Variants in PLXNC1 observed in about 807,000 individuals in gnomAD.
The protein encoded by PLXNC1 is plexin-C1.
A neutral mutation model predicts 178.2 loss-of-function variants in PLXNC1; 75 were observed. The ratio of observed to expected loss-of-function variants is 0.42; its 90% confidence interval spans 0.35 to 0.51. PLXNC1 has a LOEUF of 0.51. Ranked by LOEUF, PLXNC1 falls within the 20% of genes least tolerant of loss-of-function variation. PLXNC1 has a pLI of 0.02. For missense variants in PLXNC1, 1,503 were observed against 1,984.4 expected, an observed-to-expected ratio of 0.76 and a Z score of 4.61; for synonymous variants, 790 against 779.9, an observed-to-expected ratio of 1.01 and a Z score of -0.22.
At chr12:94,154,243 G>A (rs1961072194) in intron 1 of PLXNC1, among the ~76,000 whole-genome samples, 2 of 152,182 alleles carry the variant, frequency 1.3e-5, no homozygotes, top group African/African-American at 4.8e-5. Context: ...GAAAATTAAG[G>A]CCCAGAGAGC....
chr12:94,263,498 G>A (rs547518866), intron 20 of PLXNC1, among the ~76,000 whole-genome samples: 1 of 152,110 alleles, frequency 6.6e-6, no homozygotes, highest in African/African-American at 2.4e-5. Context: ...AGCCCACCTG[G>A]CCCCCTGACT....
chr12:94,306,930 G>A lies in PLXNC1; in HGVS notation c.*1645G>A, dbSNP rs1217756316. 6.6e-6 allele frequency: 1 copy of A among 152,190 alleles called. No homozygotes were observed. Among genetic ancestry groups the A allele is most frequent in the African/African-American group, 2.4e-5 (1 of 41,460 alleles). 9.4% of individuals were successfully genotyped at this position (152,190 alleles called of 1,614,324 possible). On this transcript the variant is annotated 3_prime_UTR_variant, in exon 31 of 31. Transcript: ENST00000258526. The stretch of plus-strand genomic sequence containing the variant: ...ATAGATGACAGATCAGAATAAAGGT[G>A]AGAGGTCTGGTCCCCATTGAAGGCT...
At chr12:94,185,436 T>C (rs1962473804) in intron 3 of PLXNC1, among the ~76,000 whole-genome samples, 1 of 152,214 alleles carries the variant, frequency 6.6e-6, no homozygotes, top group Non-Finnish European at 1.5e-5. Flanking sequence ...CCTTACTACC[T>C]GCTGTGTGGT....
At chr12:94,218,921 C>T (rs1195269999) in intron 5 of PLXNC1, among the ~76,000 whole-genome samples, 1 of 152,144 alleles carries the variant, frequency 6.6e-6, no homozygotes, top group Non-Finnish European at 1.5e-5. Context: ...CACCTAGGAT[C>T]ATCAAGGCAC....
intron 17 of PLXNC1, among the ~76,000 whole-genome samples, chr12:94,259,080 C>T (rs1964928721): frequency 6.6e-6 from 1 of 152,148 alleles, no homozygotes; most frequent in African/African-American, 2.4e-5. Context: ...GGGATGATAC[C>T]TTCATCTACC....
At chr12:94,285,346 A>G (rs928080391) in intron 23 of PLXNC1, among the ~76,000 whole-genome samples, 2 of 152,196 alleles carry the variant, frequency 1.3e-5, no homozygotes, top group African/African-American at 2.4e-5. Context: ...ATGGCCAGGG[A>G]CAGAGAACAC....
At chr12:94,187,730 C>T (rs948120475) in intron 4 of PLXNC1, among the ~76,000 whole-genome samples, 4 of 152,142 alleles carry the variant, frequency 2.6e-5, no homozygotes, top group South Asian at 4.2e-4. Flanking sequence ...ATAATGGTGG[C>T]GATGATGGTG....
chr12:94,291,258 C>G (rs1342335314), intron 23 of PLXNC1, among the ~76,000 whole-genome samples: 1 of 152,230 alleles, frequency 6.6e-6, no homozygotes, highest in Non-Finnish European at 1.5e-5. Flanking sequence ...ATTTTTGAGA[C>G]AGGGTCTTGC....
chr12:94,293,476 T>C lies in PLXNC1; in HGVS notation c.3880-1010T>C, dbSNP rs80226875. ...GGGTGGCTTAAACATTTGTTCCTTA[T>C]AGTTCCAGAGACTGGAAGTTCACTG... On this transcript the variant is annotated intron_variant, in intron 23 of 30. Transcript: ENST00000258526. Among the ~76,000 whole-genome samples the C allele has an allele frequency of 9.2e-4, 140 of 152,338 alleles. 1 individual carries two copies. Among genetic ancestry groups the C allele is most frequent in the East Asian group, 5.0e-3 (26 of 5,184 alleles).
At chr12:94,207,517 C>G (rs906101506) in intron 4 of PLXNC1, among the ~76,000 whole-genome samples, 1 of 152,074 alleles carries the variant, frequency 6.6e-6, no homozygotes, top group Non-Finnish European at 1.5e-5. Flanking sequence ...CATATTTCAT[C>G]CTTTCATTCA....
At chr12:94,167,742 C>A (rs1961671943) in intron 1 of PLXNC1, among the ~76,000 whole-genome samples, 2 of 152,136 alleles carry the variant, frequency 1.3e-5, no homozygotes, top group South Asian at 4.1e-4. Flanking sequence ...TATCTTTCAA[C>A]AAGGGAAAAA....
chr12:94,181,686 A>G, intron 3 of PLXNC1, 106 bp downstream of exon 3: 1 of 1,000,492 alleles, frequency 1.0e-6, no homozygotes, highest in Non-Finnish European at 1.5e-6. Context: ...GAGTTTAAGC[A>G]GTGCCCCAGG....
Position 94,149,559 on chromosome 12 carries a change from C to G in PLXNC1, c.588C>G (p.Pro196=). Residue 196 remains proline, a synonymous_variant, in exon 1 of 31, where the codon CCC becomes CCG. Transcript: ENST00000258526. The part of the protein sequence containing the change: ...PEPETASRCN[P]AASDHDTAIA... The stretch of plus-strand genomic sequence containing the variant: ...CGGAGACGGCGAGCCGCTGCAACCC[C>G]GCGGCATCCGACCACGACACGGCCA... The G allele has an allele frequency of 6.4e-7, 1 of 1,558,598 alleles. No individual in the cohort carries two copies. The highest frequency in any genetic ancestry group is 8.6e-7 in the Non-Finnish European group (1 of 1,156,612).
chr12:94,303,889 A>G lies in PLXNC1; in HGVS notation c.4520A>G (p.Glu1507Gly). 1 of 1,609,114 alleles carries G rather than the reference A, an allele frequency of 6.2e-7. No individual in the cohort carries two copies. Among genetic ancestry groups the G allele is most frequent in the Non-Finnish European group, 8.5e-7 (1 of 1,177,982 alleles). Residue 1507 changes from glutamate (E) to glycine (G), a missense_variant, in exon 29 of 31, where the codon GAA becomes GGA. Glu to Gly is a moderately conservative substitution (Grantham distance 98). Transcript: ENST00000258526. Reference sequence around the variant, plus strand: ...GAAATGGAAGAATTTTTAACTCAGGAATCTAAGGTATCATTAGAAAGCAGA... The same window carrying G: ...GAAATGGAAGAATTTTTAACTCAGGGATCTAAGGTATCATTAGAAAGCAGA... ...SSEMEEFLTQ[E>G]SKKHENEFNE...
chr12:94,213,831 T>C (rs181041389), intron 5 of PLXNC1, among the ~76,000 whole-genome samples: 2 of 152,138 alleles, frequency 1.3e-5, no homozygotes, highest in African/African-American at 4.8e-5. Flanking sequence ...ATTTTTTGTA[T>C]CAGGTGTAAG....
chr12:94,214,643 TA>T (rs1480601534), intron 5 of PLXNC1, among the ~76,000 whole-genome samples: 1 of 152,224 alleles, frequency 6.6e-6, no homozygotes, highest in Non-Finnish European at 1.5e-5. Flanking sequence ...AATAAATATT[TA>T]AATATCAATA....
chr12:94,198,769 C>T (rs892908558), intron 4 of PLXNC1, among the ~76,000 whole-genome samples: 10 of 152,212 alleles, frequency 6.6e-5, no homozygotes, highest in Admixed American at 5.9e-4. Context: ...TTGGTCTTCA[C>T]ATGACCTTCT....
chr12:94,305,151 A>C, intron 30 of PLXNC1, 30 bp from the exon 31 acceptor site: 5 of 1,436,030 alleles, frequency 3.5e-6, no homozygotes, highest in Non-Finnish European at 4.9e-6. Flanking sequence ...AAACCACAAT[A>C]TCTAAAATAA....
At chr12:94,263,059 C>T (rs756592918) in intron 20 of PLXNC1, among the ~76,000 whole-genome samples, 1 of 152,132 alleles carries the variant, frequency 6.6e-6, no homozygotes, top group Non-Finnish European at 1.5e-5. Flanking sequence ...GTTAAAGTGT[C>T]GAAGCCTGGC....
Sources: allele counts gnomAD v4.1 joint callset (sites outside exome capture counted in the v4.1 genomes callset), GRCh38; gene constraint gnomAD v4.1.1; transcripts MANE v1.5; gene names NCBI Gene and HGNC (gene_info 2026-07-23, HGNC 2026-07-21).